The following ZNF385C variants were observed in gnomAD, a reference collection of about 807,000 sequenced individuals.
ZNF385C encodes the protein zinc finger protein 385C, also known as CTD-2132N18.2.
In ZNF385C, 28 loss-of-function variants were observed where a neutral mutation model predicts 35.4. The observed-to-expected ratio is 0.79, with a 90% CI of 0.59 to 1.08. The LOEUF (loss-of-function observed/expected upper bound fraction) is 1.08. ZNF385C is among the 50% of genes least tolerant of loss of function. The pLI is 0.00. For synonymous variants in ZNF385C, 248 were observed against 248.2 expected (o/e 1.00, Z 0.01); for missense variants, 605 against 595.6 (o/e 1.02, Z -0.16).
chr17:42,090,044 A>C (rs1362939731), intron 1 of ZNF385C, among the ~76,000 whole-genome samples: 1 of 152,114 alleles, frequency 6.6e-6, no homozygotes, highest in Non-Finnish European at 1.5e-5. Flanking sequence ...TCTGTTTCCT[A>C]TAACTCCCCA....
chr17:42,030,785 A>T (rs2052708842), intron 5 of ZNF385C, among the ~76,000 whole-genome samples: 1 of 152,144 alleles, frequency 6.6e-6, no homozygotes, highest in African/African-American at 2.4e-5. Context: ...GTACCCTTAT[A>T]AAAAGAGCTT....
intron 1 of ZNF385C, among the ~76,000 whole-genome samples, chr17:42,069,225 T>TCTGTCTGC (rs1328367002): frequency 6.6e-6 from 1 of 150,774 alleles, no homozygotes; most frequent in Non-Finnish European, 1.5e-5. Context: ...TAGCCCAGTT[T>TCTGTCTGC]CTGTCTGCCT....
At chr17:42,044,249 A>G (rs1445128101) in intron 2 of ZNF385C, among the ~76,000 whole-genome samples, 1 of 139,790 alleles carries the variant, frequency 7.2e-6, no homozygotes, top group Non-Finnish European at 1.5e-5. Flanking sequence ...CAAAGGTTGC[A>G]GTGAGCCATG....
chr17:42,037,551 A>G (rs1555655596), intron 3 of ZNF385C, among the ~76,000 whole-genome samples, 186 bp downstream of exon 3: 1 of 151,832 alleles, frequency 6.6e-6, no homozygotes, highest in Non-Finnish European at 1.5e-5. Context: ...CCTAAGAGAG[A>G]GCGGGTCCCT....
intron 1 of ZNF385C, among the ~76,000 whole-genome samples, chr17:42,092,559 C>A (rs1169710035): frequency 6.6e-6 from 1 of 152,164 alleles, no homozygotes; most frequent in Non-Finnish European, 1.5e-5. Flanking sequence ...GGGCCCCGAG[C>A]CCATCAGAGA....
rs1431331554 is a variant in ZNF385C, at chr17:42,062,790, G to A, written c.250+17C>T. 7 of 521,576 alleles carry A rather than the reference G, an allele frequency of 1.3e-5. No homozygotes were observed. The highest frequency in any genetic ancestry group is 7.9e-5 in the South Asian group (3 of 37,896). The allele number at this position is 521,576 out of a possible 1,614,324, so 32.3% of individuals were successfully genotyped here. ...CCCAAACCAAATTTGTGGGAGCAGC[G>A]TCCCCTCTACACTGACCTGGCCCTG... On this transcript the variant is annotated intron_variant, in intron 2 of 8. Coordinates refer to ENST00000692273, the MANE Select transcript of ZNF385C (RefSeq NM_001392013.1).
At chr17:42,070,267 C>A (rs1434519488) in intron 1 of ZNF385C, among the ~76,000 whole-genome samples, 2 of 152,162 alleles carry the variant, frequency 1.3e-5, no homozygotes, top group Non-Finnish European at 2.9e-5. Flanking sequence ...TGGCGTGAAC[C>A]CGGGAGGCGG....
At position 42,097,483 on chromosome 17, in the gene ZNF385C, C is replaced by T. The variant is rs533808477; in HGVS notation, c.-3+927G>A. The stretch of plus-strand genomic sequence containing the variant: ...TCACCCGTGTCTGTCCAAAGGCTTG[C>T]GATGATCTCAGGAAGGTCCCTGGGG... On this transcript the variant is annotated intron_variant, in intron 1 of 8. Transcript: ENST00000692273. Among the ~76,000 whole-genome samples, 12 of 152,228 alleles carry T rather than the reference C, an allele frequency of 7.9e-5. No individual in the cohort carries two copies. The East Asian group carries it at 1.4e-3, about 17-fold the overall frequency.
At chr17:42,089,667 C>A (rs1555660354) in intron 1 of ZNF385C, among the ~76,000 whole-genome samples, 1 of 152,096 alleles carries the variant, frequency 6.6e-6, no homozygotes, top group African/African-American at 2.4e-5. Flanking sequence ...TAATTTAAAT[C>A]TTCCAAAATG....
rs545603795 is a variant in ZNF385C, at chr17:42,049,589, TC to T, written c.251-11705del. On this transcript the variant is annotated intron_variant, in intron 2 of 8. Transcript: ENST00000692273. ...CCTTTGACATCCTTTCCTCCCAAGATCCTGTGATTCTATGACCTTGCCCAGC... is the reference window on the plus strand; with the variant it reads ...CCTTTGACATCCTTTCCTCCCAAGATCTGTGATTCTATGACCTTGCCCAGC... 5.2e-4 allele frequency among the ~76,000 whole-genome samples: 79 copies of T among 152,338 alleles called. 1 individual carries two copies. In the South Asian group the frequency reaches 0.016, roughly 31 times the overall value.
At chr17:42,037,994 C>G (rs1360025191) in intron 2 of ZNF385C, 109 bp from the exon 3 acceptor site, 15 of 1,538,636 alleles carry the variant, frequency 9.7e-6, no homozygotes, top group Non-Finnish European at 1.3e-5. Flanking sequence ...AAACCTGTGT[C>G]TCTCTTCACA....
intron 4 of ZNF385C, among the ~76,000 whole-genome samples, chr17:42,033,530 C>A (rs2143564028): frequency 6.6e-6 from 1 of 152,308 alleles, no homozygotes; most frequent in Middle Eastern, 3.4e-3. Flanking sequence ...GTGGGTGGAT[C>A]ACTTGAGCCC....
intron 1 of ZNF385C, among the ~76,000 whole-genome samples, chr17:42,081,219 G>C (rs1263265548): frequency 2.0e-5 from 3 of 152,112 alleles, no homozygotes; most frequent in Non-Finnish European, 4.4e-5. Context: ...CATGAATCAG[G>C]ATGGACGAGG....
intron 8 of ZNF385C, 64 bp downstream of exon 8, chr17:42,027,554 G>GGGCCCCCCCC: frequency 7.2e-6 from 4 of 556,876 alleles, no homozygotes; most frequent in East Asian, 3.4e-5. Context: ...CCCCCATCTG[G>GGGCCCCCCCC]CCCTCCCAGC....
chr17:42,040,730 G>A, intron 2 of ZNF385C: 1 of 1,232,378 alleles, frequency 8.1e-7, no homozygotes, highest in Non-Finnish European at 1.0e-6. Flanking sequence ...GCTGCCCGGA[G>A]CTCAGGGACC....
intron 1 of ZNF385C, among the ~76,000 whole-genome samples, chr17:42,092,126 C>G (rs1172134210): frequency 6.6e-6 from 1 of 152,028 alleles, no homozygotes; most frequent in Non-Finnish European, 1.5e-5. Flanking sequence ...TTAGCCAGGC[C>G]CAGAGGTTCA....
chr17:42,087,689 T>C (rs2053823381), intron 1 of ZNF385C, among the ~76,000 whole-genome samples: 1 of 152,146 alleles, frequency 6.6e-6, no homozygotes, highest in Non-Finnish European at 1.5e-5. Context: ...ACTTTGGGAA[T>C]CCGAGACAGG....
chr17:42,028,570 C>G, intron 6 of ZNF385C: 1 of 653,996 alleles, frequency 1.5e-6, no homozygotes, highest in Non-Finnish European at 2.6e-6. Context: ...TAGCGACCTT[C>G]AGTTCTTGCT....
intron 2 of ZNF385C, among the ~76,000 whole-genome samples, chr17:42,052,298 C>T (rs2053297234): frequency 6.6e-6 from 1 of 152,102 alleles, no homozygotes; most frequent in Admixed American, 6.6e-5. Context: ...CTGGGAAAAC[C>T]ACATCCTGCT....
Sources: gnomAD v4.1 joint callset for allele counts (sites outside exome capture counted in the v4.1 genomes callset) on GRCh38, gnomAD v4.1.1 for gene constraint, MANE v1.5 for transcripts, NCBI Gene and HGNC (gene_info 2026-07-23, HGNC 2026-07-21) for gene names.